The following TNFRSF8 variants were observed in gnomAD, a reference collection of about 807,000 sequenced individuals.
TNFRSF8 encodes tumor necrosis factor receptor superfamily member 8.
In TNFRSF8, 26 loss-of-function variants were observed where a neutral mutation model predicts 70.8. That is an observed-to-expected ratio of 0.37 (90% CI 0.27 to 0.51). The LOEUF (loss-of-function observed/expected upper bound fraction) is 0.51. TNFRSF8 is among the 20% of genes least tolerant of loss of function. The pLI is 0.94. For missense variants in TNFRSF8, 720 were observed against 807.9 expected (o/e 0.89, Z 1.32); for synonymous variants, 356 against 339.2 (o/e 1.05, Z -0.54).
chr1:12,074,135 T>C (rs1174780538), intron 1 of TNFRSF8, among the ~76,000 whole-genome samples: 1 of 152,022 alleles, frequency 6.6e-6, no homozygotes, highest in African/African-American at 2.4e-5. Flanking sequence ...ATCGACCAGT[T>C]GCTAAATTCG....
chr1:12,082,315 G>A (rs1005181962), intron 1 of TNFRSF8, among the ~76,000 whole-genome samples: 1 of 152,156 alleles, frequency 6.6e-6, no homozygotes, highest in Non-Finnish European at 1.5e-5. Flanking sequence ...GGAGGCTGAG[G>A]CAGGAGGATT....
At position 12,110,659 on chromosome 1, in the gene TNFRSF8, C is replaced by T. The variant is rs1257823357; in HGVS notation, c.676+455C>T. Among the ~76,000 whole-genome samples the T allele has an allele frequency of 3.9e-5, 6 of 152,104 alleles. No individual in the cohort carries two copies. Among genetic ancestry groups the T allele is most frequent in the Admixed American group, 3.9e-4 (6 of 15,270 alleles). ...TGTTGCCCAGGCTGGAGTGCAGTGG[C>T]GCAATCTCGGCTCACTGCCACCTCC... On this transcript the variant is annotated intron_variant, in intron 6 of 14. Transcript: ENST00000263932. This position sits in a 1 kb window ranked among gnomAD's most constrained non-coding sequence, Gnocchi z 4.0.
intron 1 of TNFRSF8, among the ~76,000 whole-genome samples, chr1:12,066,007 G>A (rs1040129771): frequency 1.4e-4 from 22 of 152,192 alleles, no homozygotes; most frequent in Admixed American, 9.2e-4. Context: ...TTACCCTCCC[G>A]CTAGCAGTGC....
chr1:12,095,678 T>A (rs531801563), intron 2 of TNFRSF8, among the ~76,000 whole-genome samples: 1 of 152,380 alleles, frequency 6.6e-6, no homozygotes, highest in East Asian at 1.9e-4. Flanking sequence ...TATTCATGAA[T>A]TCATGATTCT....
At chr1:12,089,160 C>A (rs555229484) in intron 2 of TNFRSF8, among the ~76,000 whole-genome samples, 1 of 152,316 alleles carries the variant, frequency 6.6e-6, no homozygotes, top group African/African-American at 2.4e-5. Context: ...GACCCCAAGC[C>A]AGCTCAGAGG....
At chr1:12,092,411 G>A (rs1247975203) in intron 2 of TNFRSF8, among the ~76,000 whole-genome samples, 1 of 151,896 alleles carries the variant, frequency 6.6e-6, no homozygotes, top group Non-Finnish European at 1.5e-5. Context: ...GGCCTCAAGT[G>A]ATCCTTCCAT....
intron 13 of TNFRSF8, among the ~76,000 whole-genome samples, chr1:12,135,887 G>A (rs1642136959): frequency 6.6e-6 from 1 of 152,198 alleles, no homozygotes; most frequent in Admixed American, 6.5e-5. Context: ...GCAGCCTCCA[G>A]CTCCTGGCTC....
rs566325414 is a variant in TNFRSF8 at position 12,066,350 on chromosome 1, T to A, written c.63+2689T>A. On this transcript the variant is annotated intron_variant, in intron 1 of 14. Transcript: ENST00000263932. Reference sequence around the variant, plus strand: ...ATTAGGGCTTGAATTTCCTTGAGTTTAAAATTTTTTTTTTTTTTTTTGAGA... The same window carrying A: ...ATTAGGGCTTGAATTTCCTTGAGTTAAAAATTTTTTTTTTTTTTTTTGAGA... Among the ~76,000 whole-genome samples the A allele has an allele frequency of 1.6e-3, 244 of 150,082 alleles. 1 individual carries two copies. Among genetic ancestry groups the A allele is most frequent in the African/African-American group, 5.9e-3 (237 of 40,404 alleles).
chr1:12,129,456 T>A (rs1642006354), intron 12 of TNFRSF8, among the ~76,000 whole-genome samples: 1 of 152,212 alleles, frequency 6.6e-6, no homozygotes, highest in Non-Finnish European at 1.5e-5. Flanking sequence ...GTTTCTTTAT[T>A]TGTCCCAATA....
chr1:12,118,842 A>G (rs575414970), intron 8 of TNFRSF8, among the ~76,000 whole-genome samples: 96 of 151,972 alleles, frequency 6.3e-4, no homozygotes, highest in African/African-American at 2.1e-3. Flanking sequence ...TTCTGGTTGC[A>G]TTTGTTTTTT....
Position 12,142,729 on chromosome 1 carries a change from G to A in TNFRSF8, c.*198G>A. 6.0e-6 allele frequency: 4 copies of A among 665,296 alleles called. No individual in the cohort carries two copies. Among genetic ancestry groups the A allele is most frequent in the Non-Finnish European group, 1.0e-5 (4 of 401,316 alleles). The allele number at this position is 665,296 out of a possible 1,614,324, so 41.2% of individuals were successfully genotyped here. A position where few individuals can be genotyped will look rare whatever the true frequency, so the allele number is the denominator to read the frequency against. On this transcript the variant is annotated 3_prime_UTR_variant, in exon 15 of 15. Transcript: ENST00000263932. The surrounding 1 kb of genome is among the most constrained non-coding windows in gnomAD (Gnocchi z 5.0). ...CCCAACTTAGCTGTCCCCTGACCCAGAGCCTAGGGGATCCGGGGCTTGTAC... is the reference window on the plus strand; with the variant it reads ...CCCAACTTAGCTGTCCCCTGACCCAAAGCCTAGGGGATCCGGGGCTTGTAC...
Position 12,113,618 on chromosome 1 carries a change from AAAGAGG to A in TNFRSF8, c.793+1605_793+1610del, listed in dbSNP as rs1641672110. On this transcript the variant is annotated intron_variant, in intron 7 of 14. Transcript: ENST00000263932. This position sits in a 1 kb window ranked among gnomAD's most constrained non-coding sequence, Gnocchi z 4.9. ...GAGAGAGAGAGTGAGAGAGAGACAG[AAAGAGG>A]GAGAGAGAGAGACAGAAAGAGAAAG... Among the ~76,000 whole-genome samples, 5 of 152,096 alleles carry A rather than the reference AAAGAGG, an allele frequency of 3.3e-5. No homozygotes were observed. The highest frequency in any genetic ancestry group is 1.2e-4 in the African/African-American group (5 of 41,486).
intron 2 of TNFRSF8, among the ~76,000 whole-genome samples, chr1:12,085,133 G>A (rs1641131093): frequency 6.6e-6 from 1 of 151,836 alleles, no homozygotes; most frequent in Non-Finnish European, 1.5e-5. Flanking sequence ...TTTTTGAGAT[G>A]GAGTTTTGCT....
rs1439903492 is a variant in TNFRSF8 at position 12,138,527 on chromosome 1, C to T, written c.1543+91C>T. 1 of 1,300,738 alleles carries T rather than the reference C, an allele frequency of 7.7e-7. No individual in the cohort carries two copies. The highest frequency in any genetic ancestry group is 1.0e-6 in the Non-Finnish European group (1 of 959,002). 80.6% of individuals were successfully genotyped at this position (1,300,738 alleles called of 1,614,324 possible). A position where few individuals can be genotyped will look rare whatever the true frequency, so the allele number is the denominator to read the frequency against. On this transcript the variant is annotated intron_variant, in intron 14 of 14. Coordinates refer to ENST00000263932, the MANE Select transcript of TNFRSF8 (RefSeq NM_001243.5). The surrounding 1 kb of genome is among the most constrained non-coding windows in gnomAD (Gnocchi z 5.7). The stretch of plus-strand genomic sequence containing the variant: ...CTGGGCCCTGGAAGGGACCTGGAGA[C>T]CCTGGAGTTGAAAGGCCCAGGAAAG...
rs994051382 is a variant in TNFRSF8 at position 12,119,624 on chromosome 1, C to G, written c.947-3660C>G. ...TTATTATTTTTATTATTTTTAGAGA[C>G]AGGGTCTCACTCTGTGTTCCAGGCT... is the stretch of plus-strand genomic sequence containing the variant. On this transcript the variant is annotated intron_variant, in intron 8 of 14. Transcript: ENST00000263932. This position sits in a 1 kb window ranked among gnomAD's most constrained non-coding sequence, Gnocchi z 4.4. Among the ~76,000 whole-genome samples the G allele has an allele frequency of 6.7e-6, 1 of 149,646 alleles. No individual in the cohort carries two copies. Among genetic ancestry groups the G allele is most frequent in the Non-Finnish European group, 1.5e-5 (1 of 67,740 alleles).
At chr1:12,074,081 G>A (rs1304519228) in intron 1 of TNFRSF8, among the ~76,000 whole-genome samples, 1 of 151,988 alleles carries the variant, frequency 6.6e-6, no homozygotes, top group Non-Finnish European at 1.5e-5. Flanking sequence ...GAGCCGGCAC[G>A]GGATTGCTGG....
rs573086925 is a variant in TNFRSF8 at position 12,123,944 on chromosome 1, T to C, written c.1153+117T>C. ...TGTGGGTATGGTCTGAGAAGGGGGA[T>C]TAAGGTTGACCCCAGGTTTCTGGCT... On this transcript the variant is annotated intron_variant, in intron 10 of 14. Coordinates refer to ENST00000263932, the MANE Select transcript of TNFRSF8 (RefSeq NM_001243.5). 4.5e-5 allele frequency: 39 copies of C among 873,382 alleles called. No homozygotes were observed. The East Asian group carries it at 9.7e-4, about 22-fold the overall frequency. 54.1% of individuals were successfully genotyped at this position (873,382 alleles called of 1,614,324 possible).
chr1:12,092,017 C>G (rs1310417729), intron 2 of TNFRSF8, among the ~76,000 whole-genome samples: 1 of 152,184 alleles, frequency 6.6e-6, no homozygotes, highest in Admixed American at 6.5e-5. Context: ...TGTGTGGCCC[C>G]GTTCCTAACA....
intron 10 of TNFRSF8, among the ~76,000 whole-genome samples, chr1:12,124,722 T>A (rs1451266852): frequency 6.6e-6 from 1 of 152,124 alleles, no homozygotes; most frequent in Non-Finnish European, 1.5e-5. Context: ...CTCAGGAGGC[T>A]GAGGCAGGAG....
Sources: allele counts gnomAD v4.1 joint callset (sites outside exome capture counted in the v4.1 genomes callset), GRCh38; gene constraint gnomAD v4.1.1; non-coding constraint Gnocchi (gnomAD v3.1); transcripts MANE v1.5; gene names NCBI Gene and HGNC (gene_info 2026-07-23, HGNC 2026-07-21).